The following FARP1 variants were observed in gnomAD, a reference collection of about 807,000 sequenced individuals.
The protein encoded by FARP1 is FERM, ARH/RhoGEF and pleckstrin domain protein 1.
In FARP1, 52 loss-of-function variants were observed where a neutral mutation model predicts 128.8. The ratio of observed to expected loss-of-function variants is 0.40; its 90% CI spans 0.32 to 0.51. FARP1 has a LOEUF of 0.51. Ranked by LOEUF, FARP1 falls within the 20% of genes least tolerant of loss-of-function variation. The pLI is 0.45. For synonymous variants in FARP1, 580 were observed against 551.8 expected (o/e 1.05, Z -0.72); for missense variants, 1,333 against 1,367.9 (o/e 0.97, Z 0.40).
chr13:98,335,882 C>A (rs534536317), intron 2 of FARP1, among the ~76,000 whole-genome samples: 2 of 152,292 alleles, frequency 1.3e-5, no homozygotes, highest in South Asian at 2.1e-4. Flanking sequence ...CAGCCATTCC[C>A]TTCTACTGAG....
At chr13:98,233,926 A>G (rs765090628) in intron 2 of FARP1, 2 of 152,222 alleles carry the variant, frequency 1.3e-5, no homozygotes, top group Non-Finnish European at 2.9e-5. Flanking sequence ...CAAGTCAGAA[A>G]TGGAAAAAGA....
At chr13:98,446,911 C>T in intron 26 of FARP1, 94 bp downstream of exon 26, 1 of 1,335,498 alleles carries the variant, frequency 7.5e-7, no homozygotes, top group Non-Finnish European at 1.1e-6. Context: ...TGAGATGGCC[C>T]CACCCTTCCC....
intron 2 of FARP1, among the ~76,000 whole-genome samples, chr13:98,309,969 G>T (rs1886381974): frequency 6.6e-6 from 1 of 152,012 alleles, no homozygotes; most frequent in East Asian, 1.9e-4. Flanking sequence ...TCCTCTCTCC[G>T]ACCTCTTCCT....
intron 2 of FARP1, chr13:98,338,545 A>G (rs1887835594): frequency 1.3e-5 from 2 of 152,180 alleles, no homozygotes; most frequent in African/African-American, 2.4e-5. Flanking sequence ...TCCTCCTCAT[A>G]CTGTTTATCC....
At chr13:98,221,458 C>G (rs1881407766) in intron 2 of FARP1, among the ~76,000 whole-genome samples, 1 of 152,166 alleles carries the variant, frequency 6.6e-6, no homozygotes. Context: ...ATTACCTAAG[C>G]CAAAGCTGTG....
At chr13:98,230,271 A>G (rs1227024737) in intron 2 of FARP1, among the ~76,000 whole-genome samples, 1 of 151,740 alleles carries the variant, frequency 6.6e-6, no homozygotes, top group East Asian at 1.9e-4. Flanking sequence ...AGTGAGAACC[A>G]GAGAAACATA....
intron 1 of FARP1, among the ~76,000 whole-genome samples, chr13:98,208,292 T>G: frequency 7.0e-6 from 1 of 143,106 alleles, no homozygotes. Context: ...GCCAACATGG[T>G]GAAACCCCAT....
At chr13:98,432,470 G>A (rs1212900286) in intron 18 of FARP1, 1 of 152,316 alleles carries the variant, frequency 6.6e-6, no homozygotes, top group African/African-American at 2.4e-5. Flanking sequence ...TGGTGTCACA[G>A]TTGGTCTGTG....
chr13:98,318,838 G>A (rs1432212497), intron 2 of FARP1, among the ~76,000 whole-genome samples: 3 of 151,902 alleles, frequency 2.0e-5, no homozygotes, highest in African/African-American at 7.3e-5. Flanking sequence ...GCCTGGTGGC[G>A]TTTGTATCTT....
chr13:98,454,133 T>C lies in FARP1; in HGVS notation c.*5816T>C, dbSNP rs1893337725. On this transcript the variant is annotated 3_prime_UTR_variant, in exon 27 of 27. Transcript: ENST00000319562. ...ACTATAGAAATTCTAAAAAATCTTC[T>C]TTGCACTATAAGGTAGATAAGAGAA... 1 of 152,218 alleles carries C rather than the reference T, an allele frequency of 6.6e-6. No individual in the cohort carries two copies. Among genetic ancestry groups the C allele is most frequent in the South Asian group, 2.1e-4 (1 of 4,826 alleles). 9.4% of individuals were successfully genotyped at this position (152,218 alleles called of 1,614,324 possible).
intron 2 of FARP1, among the ~76,000 whole-genome samples, chr13:98,314,564 C>T (rs528793655): frequency 1.3e-5 from 2 of 152,150 alleles, no homozygotes; most frequent in South Asian, 4.1e-4. Flanking sequence ...AGGCATGAGC[C>T]ACCGTGCCCA....
chr13:98,447,792 C>T (rs9556958), intron 26 of FARP1: 75,105 of 161,706 alleles, frequency 0.46, 18,043 homozygotes, highest in Non-Finnish European at 0.51. Context: ...CTACAGTGGG[C>T]GATAACTGCA....
At chr13:98,148,155 A>G (rs1594198044) in intron 1 of FARP1, among the ~76,000 whole-genome samples, 1 of 152,150 alleles carries the variant, frequency 6.6e-6, no homozygotes, top group Non-Finnish European at 1.5e-5. Context: ...AAGGCGGGCG[A>G]ATCATCTGAG....
At chr13:98,363,964 A>C (rs9513412) in intron 3 of FARP1, among the ~76,000 whole-genome samples, 68,583 of 151,806 alleles carry the variant, frequency 0.45, 16,927 homozygotes, top group Non-Finnish European at 0.58. Context: ...CTGGTCTCGA[A>C]CTCCTGACCT....
At chr13:98,328,518 C>A (rs1279375070) in intron 2 of FARP1, 2 of 152,238 alleles carry the variant, frequency 1.3e-5, no homozygotes, top group East Asian at 1.9e-4. Flanking sequence ...TTATTAATTT[C>A]TTTTTCCTTC....
intron 1 of FARP1, among the ~76,000 whole-genome samples, chr13:98,160,898 C>T (rs1408389897): frequency 2.0e-5 from 3 of 152,006 alleles, no homozygotes; most frequent in African/African-American, 4.8e-5. Flanking sequence ...AGGCTGGTCT[C>T]GAACTCCTGA....
intron 1 of FARP1, among the ~76,000 whole-genome samples, chr13:98,169,171 C>T (rs1877483350): frequency 6.6e-6 from 1 of 152,072 alleles, no homozygotes; most frequent in African/African-American, 2.4e-5. Context: ...TTCAGTTCCC[C>T]CATCATCCTT....
intron 1 of FARP1, among the ~76,000 whole-genome samples, chr13:98,162,856 C>G (rs1004166634): frequency 2.0e-5 from 3 of 152,144 alleles, no homozygotes; most frequent in African/African-American, 7.2e-5. Flanking sequence ...ATAAGGAATG[C>G]CTATGCACTG....
intron 13 of FARP1, chr13:98,404,583 T>G (rs1890906022): frequency 6.6e-6 from 1 of 152,196 alleles, no homozygotes; most frequent in African/African-American, 2.4e-5. Context: ...TTCAAAAAAA[T>G]AGATGAAAAC....
Sources: allele counts gnomAD v4.1 joint callset (sites outside exome capture counted in the v4.1 genomes callset), GRCh38; gene constraint gnomAD v4.1.1; transcripts MANE v1.5; gene names NCBI Gene and HGNC (gene_info 2026-07-23, HGNC 2026-07-21).